Variants in BRWD1 observed in about 807,000 individuals in gnomAD.
BRWD1 encodes bromodomain and WD repeat domain containing 1.
In BRWD1, 82 loss-of-function variants were observed where a neutral mutation model predicts 251.2. The observed-to-expected ratio is 0.33, with a 90% CI of 0.27 to 0.39. The LOEUF (loss-of-function observed/expected upper bound fraction) is 0.39, where lower values mean the gene tolerates loss of function less well. Ranked by LOEUF, BRWD1 falls within the 10% of genes least tolerant of loss-of-function variation. The pLI, the probability that BRWD1 is intolerant of heterozygous loss-of-function variation, is 1.00. For missense variants in BRWD1, 2,233 were observed against 2,711.6 expected (o/e 0.82, Z 3.92); for synonymous variants, 918 against 902.8 (o/e 1.02, Z -0.30).
chr21:39,295,633 G>A, intron 7 of BRWD1, 110 bp downstream of exon 7: 1 of 852,782 alleles, frequency 1.2e-6, no homozygotes, highest in East Asian at 2.8e-5. Context: ...CATACCTACT[G>A]AGTCAAAATC....
intron 23 of BRWD1, among the ~76,000 whole-genome samples, chr21:39,236,353 CAG>C (rs2033811397): frequency 5.3e-5 from 8 of 152,036 alleles, no homozygotes; most frequent in African/African-American, 1.9e-4. Context: ...AAGTAGGAGA[CAG>C]AGGAGTCCAC....
chr21:39,289,386 A>G (rs1231294611), intron 8 of BRWD1, among the ~76,000 whole-genome samples: 2 of 152,206 alleles, frequency 1.3e-5, no homozygotes. Flanking sequence ...TCATTCTTTA[A>G]TTCCATATGT....
intron 15 of BRWD1, among the ~76,000 whole-genome samples, chr21:39,268,694 A>G (rs2035004797): frequency 6.6e-6 from 1 of 152,176 alleles, no homozygotes; most frequent in African/African-American, 2.4e-5. Flanking sequence ...TGACAATTAA[A>G]GAAAAATAGA....
chr21:39,310,664 C>T (rs1337029099), intron 4 of BRWD1, among the ~76,000 whole-genome samples: 1 of 152,084 alleles, frequency 6.6e-6, no homozygotes, highest in African/African-American at 2.4e-5. Context: ...ACATTATTCT[C>T]ATTTGTGTAC....
intron 4 of BRWD1, among the ~76,000 whole-genome samples, chr21:39,300,741 G>T (rs542228206): frequency 1.3e-5 from 2 of 152,150 alleles, no homozygotes; most frequent in East Asian, 3.8e-4. Context: ...GGTCAAGAGG[G>T]GAAATGGTCA....
chr21:39,204,963 T>C (rs1392608876), intron 37 of BRWD1, among the ~76,000 whole-genome samples: 1 of 152,172 alleles, frequency 6.6e-6, no homozygotes, highest in African/African-American at 2.4e-5. Flanking sequence ...TCCGACTCTA[T>C]ATTAAAGAGC....
intron 22 of BRWD1, among the ~76,000 whole-genome samples, chr21:39,237,658 A>T (rs1224909042): frequency 6.6e-6 from 1 of 152,228 alleles, no homozygotes; most frequent in Non-Finnish European, 1.5e-5. Context: ...CAGGGACATG[A>T]GGAAGGGTAA....
At chr21:39,230,314 A>G (rs1483963166) in intron 25 of BRWD1, among the ~76,000 whole-genome samples, 1 of 152,198 alleles carries the variant, frequency 6.6e-6, no homozygotes, top group African/African-American at 2.4e-5. Flanking sequence ...TGATACTAGG[A>G]ATACAACAGA....
At chr21:39,301,881 C>T (rs2481864) in intron 4 of BRWD1, among the ~76,000 whole-genome samples, 1 of 128,104 alleles carries the variant, frequency 7.8e-6, no homozygotes, top group Non-Finnish European at 1.6e-5. Context: ...AGTAGAACAT[C>T]TTTACTGTGC....
chr21:39,229,665 GATTGAAAACACAA>G, intron 25 of BRWD1, among the ~76,000 whole-genome samples: 1 of 152,118 alleles, frequency 6.6e-6, no homozygotes, highest in East Asian at 1.9e-4. Context: ...AAAAGTGTAA[GATTGAAAACACAA>G]ATCTCGGATT....
At chr21:39,312,640 A>G (rs916279378) in intron 4 of BRWD1, 7 of 405,306 alleles carry the variant, frequency 1.7e-5, no homozygotes, top group Admixed American at 8.8e-5. Context: ...CGCCGCCCCC[A>G]ATGACTGTTT....
In BRWD1 at chr21:39,192,577, A is replaced by G. The variant is rs1032575676; in HGVS notation, c.*3682T>C. 3 of 983,956 alleles carry G rather than the reference A, an allele frequency of 3.0e-6. No individual in the cohort carries two copies. Among genetic ancestry groups the G allele is most frequent in the African/African-American group, 1.7e-5 (1 of 57,184 alleles). The allele number at this position is 983,956 out of a possible 1,614,324, so 61.0% of individuals were successfully genotyped here. A position where few individuals can be genotyped will look rare whatever the true frequency, so the allele number is the denominator to read the frequency against. ...AATTGAACTATAATTTCCATACAAC[A>G]TAAGAAAACTACAGTATTTGGTGAC... is the stretch of plus-strand genomic sequence containing the variant. On this transcript the variant is annotated 3_prime_UTR_variant, in exon 41 of 41. Coordinates refer to ENST00000342449, the MANE Select transcript of BRWD1 (RefSeq NM_033656.4).
chr21:39,222,296 G>A (rs949272925), intron 29 of BRWD1, among the ~76,000 whole-genome samples: 2 of 152,178 alleles, frequency 1.3e-5, no homozygotes, highest in Non-Finnish European at 2.9e-5. Context: ...ATCAACTGAT[G>A]AATGGATAAA....
At chr21:39,216,413 A>G (rs2032894268) in intron 31 of BRWD1, among the ~76,000 whole-genome samples, 1 of 152,232 alleles carries the variant, frequency 6.6e-6, no homozygotes, top group African/African-American at 2.4e-5. Flanking sequence ...AAAACAGATT[A>G]CTAAAGATTG....
At chr21:39,300,262 C>T (rs2036073117) in intron 4 of BRWD1, among the ~76,000 whole-genome samples, 1 of 152,074 alleles carries the variant, frequency 6.6e-6, no homozygotes, top group African/African-American at 2.4e-5. Flanking sequence ...CTGTAGTGGC[C>T]CTCCTAAGGC....
intron 21 of BRWD1, among the ~76,000 whole-genome samples, chr21:39,246,206 A>G (rs1251422838): frequency 5.9e-5 from 9 of 152,226 alleles, no homozygotes; most frequent in Non-Finnish European, 1.3e-4. Flanking sequence ...TTCTTACAAC[A>G]ATAAAAAGAC....
chr21:39,312,294 A>G (rs1282283285), intron 4 of BRWD1, among the ~76,000 whole-genome samples: 1 of 152,268 alleles, frequency 6.6e-6, no homozygotes, highest in Non-Finnish European at 1.5e-5. Context: ...AGTAGAAAGG[A>G]GCACAAGCAC....
intron 8 of BRWD1, among the ~76,000 whole-genome samples, chr21:39,285,100 A>T (rs1281023844): frequency 6.6e-6 from 1 of 152,248 alleles, no homozygotes; most frequent in Non-Finnish European, 1.5e-5. Context: ...GAATGAACAA[A>T]GAAAATGCCG....
intron 5 of BRWD1, 114 bp downstream of exon 5, chr21:39,298,318 G>A: frequency 1.5e-6 from 2 of 1,374,832 alleles, no homozygotes; most frequent in Non-Finnish European, 1.9e-6. Flanking sequence ...ATAGTCCACA[G>A]CATGATTTAT....
Sources: gnomAD v4.1 joint callset for allele counts (sites outside exome capture counted in the v4.1 genomes callset) on GRCh38, gnomAD v4.1.1 for gene constraint, MANE v1.5 for transcripts, NCBI Gene and HGNC (gene_info 2026-07-23, HGNC 2026-07-21) for gene names.